The following MON2 variants were observed in gnomAD, a reference collection of about 807,000 sequenced individuals.
MON2 encodes the protein protein MON2 homolog.
Under a neutral mutation model 208.6 loss-of-function variants are expected in MON2, and 84 were observed. That is an observed-to-expected ratio of 0.40 (90% CI 0.34 to 0.48). The LOEUF (loss-of-function observed/expected upper bound fraction) is 0.48, where lower values mean the gene tolerates loss of function less well. Ranked by LOEUF, MON2 falls within the 20% of genes least tolerant of loss-of-function variation. The pLI is 0.59. For missense variants in MON2, 1,611 were observed against 2,015.4 expected (o/e 0.80, Z 3.84); for synonymous variants, 660 against 694.0 (o/e 0.95, Z 0.77).
In MON2 at chr12:62,592,608, A is replaced by G. The variant is rs760655727; in HGVS notation, c.5013A>G (p.Gln1671=). 1.2e-6 allele frequency: 2 copies of G among 1,600,982 alleles called. No individual in the cohort carries two copies. Among genetic ancestry groups the G allele is most frequent in the African/African-American group, 2.7e-5 (2 of 74,768 alleles). ...PENVDGNTWA[Q]VIALYPTLVE... is the part of the protein sequence containing the mutation. ...CAGTTGATGGAAATACCTGGGCACA[A>G]GTAATTGCCTTATACCCAACTTTAG... Residue 1671 remains glutamine (Q), a synonymous_variant, in exon 35 of 35, where the codon CAA becomes CAG. Transcript: ENST00000393630.
In MON2 at chr12:62,598,690, T is replaced by C. The variant is rs937932320; in HGVS notation, c.*5941T>C. The C allele has an allele frequency of 4.6e-5, 7 of 152,216 alleles. No individual in the cohort carries two copies. The highest frequency in any genetic ancestry group is 1.7e-4 in the African/African-American group (7 of 41,462). 9.4% of individuals were successfully genotyped at this position (152,216 alleles called of 1,614,324 possible). On this transcript the variant is annotated 3_prime_UTR_variant, in exon 35 of 35. Coordinates refer to ENST00000393630, the MANE Select transcript of MON2 (RefSeq NM_015026.3). ...ACACAATTCTTGAAAGTAATACCAC[T>C]GTTGTTACTCTTTCTCCTTACAATT...
At chr12:62,501,836 A>G in intron 7 of MON2, 138 bp downstream of exon 7, 1 of 894,638 alleles carries the variant, frequency 1.1e-6, no homozygotes, top group East Asian at 2.7e-5. Context: ...CTGTAATTGC[A>G]ACACTTTGGG....
intron 8 of MON2, among the ~76,000 whole-genome samples, chr12:62,512,048 G>A (rs35638129): frequency 0.082 from 12,479 of 152,086 alleles, 647 homozygotes; most frequent in Middle Eastern, 0.14. Context: ...GAACAGCATG[G>A]GAAAGACCTG....
intron 30 of MON2, among the ~76,000 whole-genome samples, chr12:62,574,213 G>T (rs957328298): frequency 1.3e-5 from 2 of 152,096 alleles, no homozygotes; most frequent in East Asian, 1.9e-4. Context: ...TAAAATGCTT[G>T]TTTCCACTAT....
intron 30 of MON2, among the ~76,000 whole-genome samples, chr12:62,576,987 A>G (rs948369758): frequency 6.6e-6 from 1 of 151,814 alleles, no homozygotes; most frequent in African/African-American, 2.4e-5. Context: ...ATAGAAATAT[A>G]CACACTAATA....
chr12:62,477,785 T>C (rs1009601687), intron 1 of MON2, among the ~76,000 whole-genome samples: 3 of 152,168 alleles, frequency 2.0e-5, no homozygotes, highest in Admixed American at 6.5e-5. Flanking sequence ...AGTTACATAA[T>C]GCTAGTGAGT....
intron 30 of MON2, among the ~76,000 whole-genome samples, chr12:62,576,359 G>C (rs754611158): frequency 2.0e-5 from 3 of 151,862 alleles, no homozygotes; most frequent in Admixed American, 6.6e-5. Context: ...GATCTTTTTG[G>C]GGGGGTGATC....
chr12:62,481,854 G>C (rs1441942351), intron 1 of MON2, among the ~76,000 whole-genome samples: 1 of 152,178 alleles, frequency 6.6e-6, no homozygotes, highest in Non-Finnish European at 1.5e-5. Flanking sequence ...AGGATATTGA[G>C]TGGTTTACAG....
At position 62,552,972 on chromosome 12, in the gene MON2, A is replaced by G. The variant is rs1420802321; in HGVS notation, c.3008A>G (p.Glu1003Gly). Residue 1003 changes from glutamate to glycine, a missense_variant, in exon 24 of 35, where the codon GAG becomes GGG. Transcript: ENST00000393630. ...GCAGCACAGCAAAAGCAGGCAGAAGAGAAAGGAGTTGTTTTAAATCGGCCA... is the reference window on the plus strand; with the variant it reads ...GCAGCACAGCAAAAGCAGGCAGAAGGGAAAGGAGTTGTTTTAAATCGGCCA... ...EEAAQQKQAE[E>G]KGVVLNRPFH... 7 of 1,614,216 alleles carry G rather than the reference A, an allele frequency of 4.3e-6. No individual in the cohort carries two copies. The South Asian group carries it at 7.7e-5, about 18-fold the overall frequency.
intron 31 of MON2, 128 bp from the exon 32 acceptor site, chr12:62,580,169 G>C: frequency 1.2e-6 from 1 of 843,472 alleles, no homozygotes; most frequent in Non-Finnish European, 1.8e-6. Context: ...TAAAATGTTT[G>C]TGTACTTCTT....
intron 2 of MON2, among the ~76,000 whole-genome samples, chr12:62,493,479 C>A (rs1389936523): frequency 6.6e-6 from 1 of 152,084 alleles, no homozygotes; most frequent in Non-Finnish European, 1.5e-5. Context: ...TAGGAAATTT[C>A]TTAATATTCA....
chr12:62,508,385 T>C lies in MON2; in HGVS notation c.889T>C (p.Ser297Pro). ...GTTCAGACAAGGTTCCAGCACCTCA[T>C]CTTCTCCAGCACCAGTTGAAAAACC... ...IKFRQGSSTS[S>P]SPAPVEKPYF... Residue 297 changes from serine to proline, a missense_variant, in exon 8 of 35, where the codon TCT becomes CCT. Transcript: ENST00000393630. 4 of 1,614,078 alleles carry C rather than the reference T, an allele frequency of 2.5e-6. No individual in the cohort carries two copies. Among genetic ancestry groups the C allele is most frequent in the Non-Finnish European group, 3.4e-6 (4 of 1,179,930 alleles).
intron 5 of MON2, among the ~76,000 whole-genome samples, chr12:62,499,268 T>C (rs1045918718): frequency 6.6e-6 from 1 of 152,226 alleles, no homozygotes; most frequent in African/African-American, 2.4e-5. Flanking sequence ...TAATTTCACA[T>C]TTTAAACCAA....
intron 8 of MON2, among the ~76,000 whole-genome samples, chr12:62,521,249 TC>T: frequency 6.6e-6 from 1 of 152,246 alleles, no homozygotes; most frequent in South Asian, 2.1e-4. Flanking sequence ...CCTCAAGTGA[TC>T]CACCCACCTC....
At chr12:62,579,480 T>G (rs2074922122) in intron 31 of MON2, among the ~76,000 whole-genome samples, 1 of 151,584 alleles carries the variant, frequency 6.6e-6, no homozygotes, top group Non-Finnish European at 1.5e-5. Flanking sequence ...TCTCAGCACT[T>G]TGGGAGGTGG....
At chr12:62,516,685 CAA>C (rs1298400931) in intron 8 of MON2, among the ~76,000 whole-genome samples, 2 of 152,026 alleles carry the variant, frequency 1.3e-5, no homozygotes, top group African/African-American at 4.8e-5. Context: ...GGCTGGGCAA[CAA>C]GAGCAAAACT....
In MON2 at chr12:62,592,871, T is replaced by C. The variant is rs528819531; in HGVS notation, c.*122T>C. ...TCTTGGCAGCTGTTGTTGGCCTCCT[T>C]TAAATTCTACTTACCTGAGTTCAGT... On this transcript the variant is annotated 3_prime_UTR_variant, in exon 35 of 35. Coordinates refer to ENST00000393630, the MANE Select transcript of MON2 (RefSeq NM_015026.3). 3.5e-5 allele frequency: 35 copies of C among 1,009,354 alleles called. 1 individual carries two copies. The South Asian group carries it at 6.9e-4, about 20-fold the overall frequency. The allele number at this position is 1,009,354 out of a possible 1,614,324, so 62.5% of individuals were successfully genotyped here.
In MON2 at chr12:62,565,268, T is replaced by C; in HGVS notation, c.4064T>C (p.Ile1355Thr). Residue 1355 changes from isoleucine (I) to threonine (T), a missense_variant, in exon 27 of 35, where the codon ATA (isoleucine) becomes ACA (threonine). Ile to Thr is a moderately conservative substitution (Grantham distance 89). Transcript: ENST00000393630. ...TGTGTAGGACCAGAAAACATGCAGA[T>C]AATGTATCCAGCTATATTTGACCAG... ...AICVGPENMQ[I>T]MYPAIFDQLL... 1 of 1,613,120 alleles carries C rather than the reference T, an allele frequency of 6.2e-7. No homozygotes were observed. Among genetic ancestry groups the C allele is most frequent in the Admixed American group, 1.7e-5 (1 of 59,926 alleles).
chr12:62,497,199 G>A (rs1008165985), intron 4 of MON2, among the ~76,000 whole-genome samples: 3 of 147,314 alleles, frequency 2.0e-5, no homozygotes, highest in Admixed American at 2.0e-4. Flanking sequence ...AGCATTAGGA[G>A]ATATACCTAA....
Sources: gnomAD v4.1 joint callset for allele counts (sites outside exome capture counted in the v4.1 genomes callset) on GRCh38, gnomAD v4.1.1 for gene constraint, MANE v1.5 for transcripts, NCBI Gene and HGNC (gene_info 2026-07-23, HGNC 2026-07-21) for gene names.